Variants in C5AR1 observed in about 807,000 individuals in gnomAD.
C5AR1 encodes the protein C5a anaphylatoxin chemotactic receptor 1.
A neutral mutation model predicts 2.4 loss-of-function variants in C5AR1; 4 were observed. That is an observed-to-expected ratio of 1.65 (90% CI 0.81 to 3.77). The LOEUF is 3.77. Among genes scored for constraint, C5AR1 ranks in the 30% most tolerant of loss-of-function variants. The pLI, the probability that C5AR1 is intolerant of heterozygous loss-of-function variation, is 0.01. For synonymous variants in C5AR1, 209 were observed against 210.4 expected, an observed-to-expected ratio of 0.99 and a Z score of 0.06; for missense variants, 418 against 462.5, an observed-to-expected ratio of 0.90 and a Z score of 0.88.
At chr19:47,313,708 C>T (rs2059277659) in intron 1 of C5AR1, among the ~76,000 whole-genome samples, 1 of 151,274 alleles carries the variant, frequency 6.6e-6, no homozygotes, top group South Asian at 2.1e-4. Flanking sequence ...CGCGCCACTG[C>T]ACTCCAGCCT....
intron 1 of C5AR1, among the ~76,000 whole-genome samples, chr19:47,312,997 CAG>C (rs2059275501): frequency 6.6e-6 from 1 of 152,102 alleles, no homozygotes. Context: ...TGTTTTGAGA[CAG>C]AGTCTCGCTC....
In C5AR1 at chr19:47,320,770, G is replaced by T. The variant is rs1468582076; in HGVS notation, c.993G>T (p.Glu331Asp). Residue 331 changes from glutamate to aspartate, a missense_variant, in exon 2 of 2, where the codon GAG (glutamate) becomes GAT (aspartate). Coordinates refer to ENST00000355085, the MANE Select transcript of C5AR1 (RefSeq NM_001736.4). This position sits in a 1 kb window ranked among gnomAD's most constrained non-coding sequence, Gnocchi z 4.9. ...NVLTEESVVR[E>D]SKSFTRSTVD... ...TGACTGAAGAGTCCGTGGTTAGGGA[G>T]AGCAAGTCATTCACGCGCTCCACAG... 1 of 1,614,044 alleles carries T rather than the reference G, an allele frequency of 6.2e-7. No individual in the cohort carries two copies. Among genetic ancestry groups the T allele is most frequent in the African/African-American group, 1.3e-5 (1 of 74,930 alleles).
chr19:47,311,991 G>A (rs2059272467), intron 1 of C5AR1, among the ~76,000 whole-genome samples: 1 of 152,206 alleles, frequency 6.6e-6, no homozygotes, highest in South Asian at 2.1e-4. Context: ...ACAAAGTAAG[G>A]ACTAGTGTGA....
chr19:47,315,887 A>G lies in C5AR1; in HGVS notation c.4-3894A>G, dbSNP rs555488306. Among the ~76,000 whole-genome samples, 15 of 152,202 alleles carry G rather than the reference A, an allele frequency of 9.9e-5. No individual in the cohort carries two copies. In the South Asian group the frequency reaches 2.9e-3, roughly 29 times the overall value. ...ACAAGAATGGAACAGGCTCATATAC[A>G]TATACATTTTACCTAGACTCTCCAA... On this transcript the variant is annotated intron_variant, in intron 1 of 1. Transcript: ENST00000355085.
In C5AR1 at chr19:47,320,103, G is replaced by T. The variant is rs777997257; in HGVS notation, c.326G>T (p.Cys109Phe). 3.1e-6 allele frequency: 5 copies of T among 1,614,138 alleles called. No individual in the cohort carries two copies. The highest frequency in any genetic ancestry group is 4.2e-6 in the Non-Finnish European group (5 of 1,180,042). The change falls in exon 2 of 2, where the codon TGC becomes TTC. Residue 109 changes from cysteine (C) to phenylalanine (F), a missense_variant. Physicochemically the swap from Cys to Phe is radical, Grantham distance 205 (BLOSUM62 -2). Transcript: ENST00000355085. This position sits in a 1 kb window ranked among gnomAD's most constrained non-coding sequence, Gnocchi z 4.9. ...CACTGGCCCTTTGGCGGGGCCGCCT[G>T]CAGCATCCTGCCCTCCCTCATCCTG... ...HHHWPFGGAA[C>F]SILPSLILLN...
upstream of C5AR1, among the ~76,000 whole-genome samples, chr19:47,309,296 C>A (rs971044650): frequency 6.6e-6 from 1 of 152,010 alleles, no homozygotes; most frequent in Admixed American, 6.6e-5. Context: ...GGCTCCAGGC[C>A]GGGCGCAGTG....
intron 1 of C5AR1, among the ~76,000 whole-genome samples, chr19:47,311,327 T>A (rs1021065506): frequency 1.3e-5 from 2 of 151,676 alleles, no homozygotes; most frequent in African/African-American, 4.8e-5. Context: ...CTGGCCAACA[T>A]GGTGAAACTC....
Position 47,320,975 on chromosome 19 carries a change from C to A in C5AR1, c.*145C>A. Reference sequence around the variant, plus strand: ...GTTGCCTGTCTTTCCCAGACTTGTCCCTCCTTTTCCAGCGGGACTCTTCTC... The same window carrying A: ...GTTGCCTGTCTTTCCCAGACTTGTCACTCCTTTTCCAGCGGGACTCTTCTC... On this transcript the variant is annotated 3_prime_UTR_variant, in exon 2 of 2. Transcript: ENST00000355085. This position sits in a 1 kb window ranked among gnomAD's most constrained non-coding sequence, Gnocchi z 4.9. The A allele has an allele frequency of 1.5e-6, 1 of 686,948 alleles. No homozygotes were observed. Among genetic ancestry groups the A allele is most frequent in the Non-Finnish European group, 2.4e-6 (1 of 419,986 alleles). 42.6% of individuals were successfully genotyped at this position (686,948 alleles called of 1,614,324 possible).
At chr19:47,319,304 A>ATTTTTT (rs34731685) in intron 1 of C5AR1, among the ~76,000 whole-genome samples, 28 of 94,114 alleles carry the variant, frequency 3.0e-4, no homozygotes, top group Non-Finnish European at 3.7e-4. Context: ...GAATCATTTC[A>ATTTTTT]TTTTTTTTTT....
At chr19:47,309,467 C>A (rs370080750), upstream of C5AR1, among the ~76,000 whole-genome samples, 1 of 150,650 alleles carries the variant, frequency 6.6e-6, no homozygotes, top group East Asian at 2.0e-4. Flanking sequence ...CCCAGCTACT[C>A]GGGAGGCTGA....
chr19:47,320,614 G>T lies in C5AR1; in HGVS notation c.837G>T (p.Lys279Asn), dbSNP rs11880097. Residue 279 changes from lysine to asparagine, a missense_variant, in exon 2 of 2, where the codon AAG becomes AAT. Coordinates refer to ENST00000355085, the MANE Select transcript of C5AR1 (RefSeq NM_001736.4). This position sits in a 1 kb window ranked among gnomAD's most constrained non-coding sequence, Gnocchi z 4.9. ...EPSSPTFLLL[K>N]KLDSLCVSFA... Reference sequence around the variant, plus strand: ...CGTCACCCACCTTCCTGCTGCTGAAGAAGCTGGACTCCCTGTGTGTCTCCT... The same window carrying T: ...CGTCACCCACCTTCCTGCTGCTGAATAAGCTGGACTCCCTGTGTGTCTCCT... 0.98 allele frequency: 1,587,161 copies of T among 1,614,010 alleles called. 780,603 individuals carry two copies. The highest frequency in any genetic ancestry group is 1 in the East Asian group (44,851 of 44,852).
At chr19:47,314,490 C>T (rs985286946) in intron 1 of C5AR1, among the ~76,000 whole-genome samples, 34 of 149,396 alleles carry the variant, frequency 2.3e-4, no homozygotes, top group African/African-American at 6.9e-4. Context: ...CTCCACCTCC[C>T]GGGTTCCAGT....
At chr19:47,309,993 T>G in intron 1 of C5AR1, 95 bp downstream of exon 1, 1 of 1,283,668 alleles carries the variant, frequency 7.8e-7, no homozygotes, top group Middle Eastern at 1.9e-4. Context: ...ACTCTCGCCG[T>G]CAACTCTGTC....
chr19:47,319,085 T>A (rs1474563060), intron 1 of C5AR1, among the ~76,000 whole-genome samples: 1 of 150,616 alleles, frequency 6.6e-6, no homozygotes, highest in African/African-American at 2.4e-5. Context: ...GGGGTTTCAC[T>A]ACATTGGTCA....
At chr19:47,313,843 C>T (rs1392038894) in intron 1 of C5AR1, among the ~76,000 whole-genome samples, 1 of 151,864 alleles carries the variant, frequency 6.6e-6, no homozygotes, top group African/African-American at 2.4e-5. Flanking sequence ...GAGGTCTGTT[C>T]ATTTCTCTGT....
In C5AR1 at chr19:47,320,853, T is replaced by G. The variant is rs1245177023; in HGVS notation, c.*23T>G. On this transcript the variant is annotated 3_prime_UTR_variant, in exon 2 of 2. Coordinates refer to ENST00000355085, the MANE Select transcript of C5AR1 (RefSeq NM_001736.4). This position sits in a 1 kb window ranked among gnomAD's most constrained non-coding sequence, Gnocchi z 4.9. ...TAGGCGACAGCCTCATGGGCCACTG[T>G]GGCCCGATGTCCCCTTCCTTCCCGG... 1 of 1,575,322 alleles carries G rather than the reference T, an allele frequency of 6.3e-7. No individual in the cohort carries two copies. The highest frequency in any genetic ancestry group is 8.7e-7 in the Non-Finnish European group (1 of 1,155,658).
intron 1 of C5AR1, among the ~76,000 whole-genome samples, chr19:47,311,771 G>A (rs917441545): frequency 6.6e-6 from 1 of 151,928 alleles, no homozygotes; most frequent in Non-Finnish European, 1.5e-5. Context: ...TCACCATGTT[G>A]GCCAGGCTGG....
At chr19:47,318,352 G>A (rs1410679133) in intron 1 of C5AR1, among the ~76,000 whole-genome samples, 1 of 151,216 alleles carries the variant, frequency 6.6e-6, no homozygotes, top group East Asian at 2.0e-4. Flanking sequence ...GGAGTGCAGT[G>A]TCGCTATCTC....
intron 1 of C5AR1, 42 bp from the exon 2 acceptor site, chr19:47,319,739 G>T: frequency 7.4e-7 from 1 of 1,342,736 alleles, no homozygotes; most frequent in South Asian, 1.3e-5. Flanking sequence ...CCGGGCACAT[G>T]TCTGCAGACT....
Sources: allele counts gnomAD v4.1 joint callset (sites outside exome capture counted in the v4.1 genomes callset), GRCh38; gene constraint gnomAD v4.1.1; non-coding constraint Gnocchi (gnomAD v3.1); transcripts MANE v1.5; gene names NCBI Gene and HGNC (gene_info 2026-07-23, HGNC 2026-07-21).